Variants in ITGA9 observed in about 807,000 individuals in gnomAD.
ITGA9 encodes the protein integrin alpha-9.
ITGA9 carries 56 observed loss-of-function variants against 127.8 expected under a neutral mutation model. The ratio of observed to expected loss-of-function variants is 0.44; its 90% CI spans 0.35 to 0.55. The LOEUF is 0.55. Ranked by LOEUF, ITGA9 falls within the 20% of genes least tolerant of loss-of-function variation. The probability of loss-of-function intolerance (pLI) is 0.00; values close to 1 mark genes in which losing one functional copy is unlikely to be tolerated. For missense variants in ITGA9, 1,196 were observed against 1,347.1 expected (o/e 0.89, Z 1.76); for synonymous variants, 508 against 514.5 (o/e 0.99, Z 0.17).
At chr3:37,520,847 C>T (rs911361655) in intron 11 of ITGA9, among the ~76,000 whole-genome samples, 2 of 152,190 alleles carry the variant, frequency 1.3e-5, no homozygotes, top group African/African-American at 2.4e-5. Context: ...TCATTCTCCA[C>T]GCATCCTCCG....
chr3:37,547,962 G>A lies in ITGA9; in HGVS notation c.1689+5377G>A, dbSNP rs116640074. On this transcript the variant is annotated intron_variant, in intron 15 of 27. Transcript: ENST00000264741. ...CTTGTCAATAAATATAGAAATCTGT[G>A]TGTGTACCTCCTTTTATTTTATGCA... is the stretch of plus-strand genomic sequence containing the variant. 7.0e-3 allele frequency among the ~76,000 whole-genome samples: 1,069 copies of A among 152,270 alleles called. 12 individuals carry two copies. Among genetic ancestry groups the A allele is most frequent in the African/African-American group, 0.024 (1,012 of 41,548 alleles).
rs548670744 is a variant in ITGA9, at chr3:37,668,343, T to C, written c.1916+14553T>C. Among the ~76,000 whole-genome samples the C allele has an allele frequency of 3.3e-5, 5 of 152,290 alleles. No homozygotes were observed. The South Asian group carries it at 1.0e-3, about 32-fold the overall frequency. On this transcript the variant is annotated intron_variant, in intron 17 of 27. Transcript: ENST00000264741. ...CACAGGTGTGCCTGATAAAATTTTT[T>C]TGGGCAGTGTTTTCCTTGGCTTCCA...
intron 18 of ITGA9, among the ~76,000 whole-genome samples, chr3:37,725,523 A>G (rs553749013): frequency 6.6e-6 from 1 of 152,206 alleles, no homozygotes; most frequent in South Asian, 2.1e-4. Flanking sequence ...GAAGGAGAAC[A>G]TGCAGAGGAG....
chr3:37,560,782 T>C (rs973379970), intron 15 of ITGA9, among the ~76,000 whole-genome samples: 8 of 152,180 alleles, frequency 5.3e-5, no homozygotes, highest in African/African-American at 1.4e-4. Context: ...CATATATCAG[T>C]TTGCTAGAGC....
Position 37,732,795 on chromosome 3 carries a change from A to C in ITGA9, c.2151A>C (p.Ser717=). The change falls in exon 19 of 28, where the codon TCA becomes TCC. Residue 717 remains serine (S), a synonymous_variant. Transcript: ENST00000264741. ...GATTTCCTTTCATGAGGTCAAAGTC[A>C]AAGGTAAGGGACACAGACGGGACCC... ...SVGFPFMRSK[S]KYEFSVIFDT... is the part of the protein sequence containing the mutation. 1 of 1,608,526 alleles carries C rather than the reference A, an allele frequency of 6.2e-7. No individual in the cohort carries two copies. The highest frequency in any genetic ancestry group is 8.5e-7 in the Non-Finnish European group (1 of 1,177,722).
rs1697494498 is a variant in ITGA9 at position 37,820,147 on chromosome 3, G to C, written c.*1158G>C. On this transcript the variant is annotated 3_prime_UTR_variant, in exon 28 of 28. Transcript: ENST00000264741. ...GTATTCCCAGGGGATACCAGTAAGA[G>C]AGTGGGGGAAGCAGGACAAGGAAGG... 1 of 152,264 alleles carries C rather than the reference G, an allele frequency of 6.6e-6. No individual in the cohort carries two copies. The highest frequency in any genetic ancestry group is 1.5e-5 in the Non-Finnish European group (1 of 68,084). The allele number at this position is 152,264 out of a possible 1,614,324, so 9.4% of individuals were successfully genotyped here. A position where few individuals can be genotyped will look rare whatever the true frequency, so the allele number is the denominator to read the frequency against.
chr3:37,576,739 G>A (rs572353094), intron 15 of ITGA9, among the ~76,000 whole-genome samples: 58 of 152,306 alleles, frequency 3.8e-4, no homozygotes, highest in African/African-American at 1.4e-3. Context: ...GAGTACCTGG[G>A]ACTACAGGCG....
At chr3:37,586,109 T>C (rs1458785436) in intron 15 of ITGA9, among the ~76,000 whole-genome samples, 2 of 152,230 alleles carry the variant, frequency 1.3e-5, no homozygotes, top group Non-Finnish European at 2.9e-5. Flanking sequence ...ATATATTCTT[T>C]CTGAGCTTGT....
rs1484569626 is a variant in ITGA9, at chr3:37,823,272, T to C, written c.*4283T>C. The C allele has an allele frequency of 1.3e-5, 2 of 152,208 alleles. No homozygotes were observed. The highest frequency in any genetic ancestry group is 2.4e-5 in the African/African-American group (1 of 41,458). 9.4% of individuals were successfully genotyped at this position (152,208 alleles called of 1,614,324 possible). On this transcript the variant is annotated 3_prime_UTR_variant, in exon 28 of 28. Coordinates refer to ENST00000264741, the MANE Select transcript of ITGA9 (RefSeq NM_002207.3). ...TGACTGGCAGAGTGAGTTTAAAAGC[T>C]TTACGAGTGATTAATTGCTTGGCAG...
intron 4 of ITGA9, among the ~76,000 whole-genome samples, chr3:37,491,791 A>C (rs1303541232): frequency 6.6e-6 from 1 of 152,226 alleles, no homozygotes; most frequent in Non-Finnish European, 1.5e-5. Context: ...CCCTATGTAC[A>C]TACTCTTTGG....
intron 26 of ITGA9, among the ~76,000 whole-genome samples, chr3:37,801,969 A>C (rs78213745): frequency 4.0e-3 from 607 of 152,312 alleles, no homozygotes; most frequent in African/African-American, 0.014. Flanking sequence ...ATCACCAGGG[A>C]AGAGCCAGTA....
intron 13 of ITGA9, 81 bp downstream of exon 13, chr3:37,526,152 C>T (rs1699091134): frequency 8.3e-7 from 1 of 1,207,384 alleles, no homozygotes; most frequent in Non-Finnish European, 1.2e-6. Flanking sequence ...GGGCTCTTTC[C>T]TCTGTCCTGT....
intron 27 of ITGA9, among the ~76,000 whole-genome samples, chr3:37,805,105 A>AGGCTGGAAGGCAGT (rs1472345689): frequency 1.3e-5 from 2 of 151,890 alleles, no homozygotes; most frequent in Middle Eastern, 3.2e-3. Context: ...TCTGTCACCC[A>AGGCTGGAAGGCAGT]GGCTGGAAGG....
At chr3:37,465,881 G>A (rs1453149099) in intron 1 of ITGA9, among the ~76,000 whole-genome samples, 3 of 152,116 alleles carry the variant, frequency 2.0e-5, no homozygotes, top group Admixed American at 6.5e-5. Flanking sequence ...GTACCTGTTG[G>A]TTCCCTTTTC....
intron 24 of ITGA9, among the ~76,000 whole-genome samples, chr3:37,777,823 CTGTT>C (rs922761529): frequency 7.9e-5 from 12 of 152,372 alleles, no homozygotes; most frequent in East Asian, 1.9e-4. Context: ...TTTTGGGAAA[CTGTT>C]TGATAATATC....
At chr3:37,661,617 C>T (rs1700538065) in intron 17 of ITGA9, among the ~76,000 whole-genome samples, 2 of 152,198 alleles carry the variant, frequency 1.3e-5, no homozygotes, top group African/African-American at 4.8e-5. Context: ...CATAGTGGCT[C>T]CAAGCAGAGG....
intron 22 of ITGA9, among the ~76,000 whole-genome samples, chr3:37,744,564 T>C (rs980471039): frequency 1.3e-5 from 2 of 152,214 alleles, no homozygotes; most frequent in Non-Finnish European, 2.9e-5. Flanking sequence ...GAGCCATGGC[T>C]GGCTTGCCCA....
intron 4 of ITGA9, among the ~76,000 whole-genome samples, chr3:37,486,928 TTCCTAGGACAGTGATCATTTCCAGGG>T (rs1201539443): frequency 6.6e-6 from 1 of 152,224 alleles, no homozygotes; most frequent in Non-Finnish European, 1.5e-5. Context: ...GTGTTTGCAT[TTCCTAGGACAGTGATCATTTCCAGGG>T]AAGGAAATAG....
In ITGA9 at chr3:37,481,553, A is replaced by C. The variant is rs766417639; in HGVS notation, c.490A>C (p.Ile164Leu). The change falls in exon 4 of 28, where the codon ATC becomes CTC. Residue 164 changes from isoleucine to leucine, a missense_variant. Physicochemically the swap from Ile to Leu is conservative, Grantham distance 5. Coordinates refer to ENST00000264741, the MANE Select transcript of ITGA9 (RefSeq NM_002207.3). Reference protein sequence around the residue: ...DHILPHGFCYIIPSNLQAKGR... With the variant: ...DHILPHGFCYLIPSNLQAKGR... ...CATCCTACCCCATGGCTTCTGCTAC[A>C]TCATCCCCTCCAACCTCCAGGCCAA... is the stretch of plus-strand genomic sequence containing the variant. 4 of 1,614,164 alleles carry C rather than the reference A, an allele frequency of 2.5e-6. No homozygotes were observed. The highest frequency in any genetic ancestry group is 1.6e-4 in the Middle Eastern group (1 of 6,062).
Sources: allele counts gnomAD v4.1 joint callset (sites outside exome capture counted in the v4.1 genomes callset), GRCh38; gene constraint gnomAD v4.1.1; transcripts MANE v1.5; gene names NCBI Gene and HGNC (gene_info 2026-07-23, HGNC 2026-07-21).